The following MTOR variants were observed in gnomAD, a reference collection of about 807,000 sequenced individuals.
MTOR encodes the protein serine/threonine-protein kinase mTOR.
In MTOR, 70 loss-of-function variants were observed where a neutral mutation model predicts 319.8. The ratio of observed to expected loss-of-function variants is 0.22; its 90% CI spans 0.18 to 0.27. MTOR has a LOEUF of 0.27. Ranked by LOEUF, MTOR falls within the 10% of genes least tolerant of loss-of-function variation. MTOR has a pLI of 1.00. For missense variants in MTOR, 1,890 were observed against 3,274.4 expected, an observed-to-expected ratio of 0.58 and a Z score of 10.32; for synonymous variants, 1,183 against 1,211.4, an observed-to-expected ratio of 0.98 and a Z score of 0.49.
At chr1:11,114,118 G>A (rs1183213768) in intron 53 of MTOR, among the ~76,000 whole-genome samples, 200 bp downstream of exon 53, 1 of 152,154 alleles carries the variant, frequency 6.6e-6, no homozygotes, top group Non-Finnish European at 1.5e-5. Context: ...CCCAGTCTCA[G>A]GCAGTTCTTT....
intron 28 of MTOR, chr1:11,192,373 G>A: frequency 2.5e-6 from 4 of 1,606,770 alleles, no homozygotes; most frequent in Non-Finnish European, 3.4e-6. Flanking sequence ...AACTGGAGGT[G>A]AGGTCATTAC....
intron 19 of MTOR, 119 bp from the exon 20 acceptor site, chr1:11,216,353 T>C (rs1432676976): frequency 1.2e-5 from 8 of 658,810 alleles, no homozygotes; most frequent in African/African-American, 3.6e-5. Context: ...CACTACACTA[T>C]CTACTGAGAA....
intron 14 of MTOR, among the ~76,000 whole-genome samples, chr1:11,233,798 GT>G (rs1647102312): frequency 6.6e-6 from 1 of 152,202 alleles, no homozygotes. Flanking sequence ...ACTCTAATGT[GT>G]TGAGATTTGA....
At chr1:11,248,272 T>C (rs1054510663) in intron 6 of MTOR, among the ~76,000 whole-genome samples, 178 bp from the exon 7 acceptor site, 5 of 152,184 alleles carry the variant, frequency 3.3e-5, no homozygotes, top group Non-Finnish European at 5.9e-5. Context: ...GCAAGGGACC[T>C]GATTTTGTTC....
At chr1:11,219,717 A>G (rs1477349716) in intron 19 of MTOR, among the ~76,000 whole-genome samples, 1 of 152,154 alleles carries the variant, frequency 6.6e-6, no homozygotes, top group Non-Finnish European at 1.5e-5. Context: ...GTCTGTTTAA[A>G]ATGCCTTAAA....
At chr1:11,135,550 T>C (rs565633090) in intron 36 of MTOR, among the ~76,000 whole-genome samples, 20 of 152,318 alleles carry the variant, frequency 1.3e-4, no homozygotes, top group Middle Eastern at 6.8e-3. Flanking sequence ...TAAAAACATG[T>C]TAGCCAGGTG....
rs2100978723 is a variant in MTOR, at chr1:11,257,099, T to C, written c.338A>G (p.Asn113Ser). ...RIGRFANYLR[N>S]LLPSNDPVVM... ...AACTGGGTCATTGGAGGGGAGGAGG[T>C]TCCGAAGATAGTTGGCAAATCTGCC... Residue 113 changes from asparagine to serine, a missense_variant, in exon 4 of 58, where the codon AAC becomes AGC. Asn to Ser is a conservative substitution (Grantham distance 46). Around this residue, in one of 15 missense-constraint regions of MTOR, gnomAD observed 81 missense variants for 203.6 expected, o/e 0.40. Coordinates refer to ENST00000361445, the MANE Select transcript of MTOR (RefSeq NM_004958.4). The C allele has an allele frequency of 6.2e-7, 1 of 1,613,920 alleles. No individual in the cohort carries two copies. The highest frequency in any genetic ancestry group is 8.5e-7 in the Non-Finnish European group (1 of 1,179,974).
At position 11,193,839 on chromosome 1, in the gene MTOR, C is replaced by T. The variant is rs138148169; in HGVS notation, c.4253+5419G>A. On this transcript the variant is annotated intron_variant, in intron 28 of 57. Transcript: ENST00000361445. Reference sequence around the variant, plus strand: ...CACCACACATGACCGCGTACAACTCCGGGGGTGCCATTCCTATTCTGATTC... The same window carrying T: ...CACCACACATGACCGCGTACAACTCTGGGGGTGCCATTCCTATTCTGATTC... 6.6e-5 allele frequency: 98 copies of T among 1,494,552 alleles called. 1 individual carries two copies. Among genetic ancestry groups the T allele is most frequent in the South Asian group, 4.1e-4 (35 of 84,814 alleles). 92.6% of individuals were successfully genotyped at this position (1,494,552 alleles called of 1,614,324 possible). A position where few individuals can be genotyped will look rare whatever the true frequency, so the allele number is the denominator to read the frequency against.
intron 56 of MTOR, 33 bp from the exon 57 acceptor site, chr1:11,108,319 C>T (rs907341085): frequency 6.5e-7 from 1 of 1,540,312 alleles, no homozygotes; most frequent in Non-Finnish European, 9.0e-7. Context: ...ATTTCACTCT[C>T]TTCCTGGCAA....
chr1:11,175,746 G>GTTTTTTT (rs34392850), intron 28 of MTOR, among the ~76,000 whole-genome samples: 5,144 of 136,922 alleles, frequency 0.038, 180 homozygotes, highest in South Asian at 0.11. Context: ...TCCCTAGCAG[G>GTTTTTTT]TTTTTTTTTT....
chr1:11,234,254 C>T lies in MTOR; in HGVS notation c.2220G>A (p.Glu740=), dbSNP rs980978963. 6.2e-7 allele frequency: 1 copy of T among 1,612,838 alleles called. No individual in the cohort carries two copies. Residue 740 remains glutamate, a synonymous_variant, in exon 14 of 58, where the codon GAG becomes GAA. Coordinates refer to ENST00000361445, the MANE Select transcript of MTOR (RefSeq NM_004958.4). ...TTCTTCCAATCCCACTGTGCTCCAACTCTGTCAAAATCTGTAGGGAAGAAA... is the reference window on the plus strand; with the variant it reads ...TTCTTCCAATCCCACTGTGCTCCAATTCTGTCAAAATCTGTAGGGAAGAAA... The part of the protein sequence containing the change: ...LRKMLIQILT[E]LEHSGIGRIK...
Position 11,212,747 on chromosome 1 carries a change from C to CAA in MTOR, c.3398+47_3398+48dup, listed in dbSNP as rs1646351853. The CAA allele has an allele frequency of 1.4e-6, 2 of 1,477,164 alleles. No individual in the cohort carries two copies. Among genetic ancestry groups the CAA allele is most frequent in the East Asian group, 4.6e-5 (2 of 43,932 alleles). The allele number at this position is 1,477,164 out of a possible 1,614,324, so 91.5% of individuals were successfully genotyped here. On this transcript the variant is annotated intron_variant, in intron 22 of 57. Transcript: ENST00000361445. This position sits in a 1 kb window ranked among gnomAD's most constrained non-coding sequence, Gnocchi z 4.1. ...GAACTTAAGAAATGAACATTTTCAACAAAACATTAAAGCTTAAAGATTGCT... is the reference window on the plus strand; with the variant it reads ...GAACTTAAGAAATGAACATTTTCAACAAAAAACATTAAAGCTTAAAGATTGCT...
chr1:11,186,858 G>T (rs1645336790), intron 28 of MTOR, among the ~76,000 whole-genome samples: 1 of 152,128 alleles, frequency 6.6e-6, no homozygotes. Flanking sequence ...AACTGGAGGG[G>T]GGGTGAGTAT....
chr1:11,235,811 A>G (rs1212929), intron 13 of MTOR, among the ~76,000 whole-genome samples: 123,427 of 151,768 alleles, frequency 0.81, 50,932 homozygotes, highest in African/African-American at 0.95. Context: ...GAGAAACTCC[A>G]TCTCTACTAA....
intron 5 of MTOR, among the ~76,000 whole-genome samples, chr1:11,255,436 T>C (rs1368059324): frequency 1.3e-5 from 2 of 150,470 alleles, no homozygotes; most frequent in South Asian, 2.1e-4. Context: ...CACAGTTTAA[T>C]TGGCATATTT....
At chr1:11,169,847 G>T (rs1571056313) in intron 28 of MTOR, among the ~76,000 whole-genome samples, 1 of 152,178 alleles carries the variant, frequency 6.6e-6, no homozygotes, top group African/African-American at 2.4e-5. Context: ...TGCTAAGCAG[G>T]TCCTTCACCT....
At position 11,174,818 on chromosome 1, in the gene MTOR, A is replaced by G. The variant is rs537930044; in HGVS notation, c.4254-7301T>C. ...CTTGGGTGCCCCTCAGTCTTTCCCT[A>G]TTAATGCTGCAGGCTTATAAAGGGC... On this transcript the variant is annotated intron_variant, in intron 28 of 57. Coordinates refer to ENST00000361445, the MANE Select transcript of MTOR (RefSeq NM_004958.4). 2.0e-5 allele frequency among the ~76,000 whole-genome samples: 3 copies of G among 152,300 alleles called. No individual in the cohort carries two copies. In the East Asian group the frequency reaches 5.8e-4, roughly 29 times the overall value.
intron 18 of MTOR, among the ~76,000 whole-genome samples, chr1:11,230,702 C>T (rs1240101095): frequency 6.6e-6 from 1 of 152,150 alleles, no homozygotes; most frequent in African/African-American, 2.4e-5. Context: ...GCATGCCAAC[C>T]CTTGACAAAG....
intron 20 of MTOR, 42 bp from the exon 21 acceptor site, chr1:11,213,608 T>C: frequency 1.3e-6 from 2 of 1,592,720 alleles, no homozygotes; most frequent in Non-Finnish European, 1.7e-6. Flanking sequence ...TCAGGTCCCT[T>C]TCTGATGATA....
Sources: gnomAD v4.1 joint callset for allele counts (sites outside exome capture counted in the v4.1 genomes callset) on GRCh38, gnomAD v4.1.1 for gene constraint, gnomAD v4.1.1 regional missense constraint, Gnocchi (gnomAD v3.1) non-coding constraint, MANE v1.5 for transcripts, NCBI Gene and HGNC (gene_info 2026-07-23, HGNC 2026-07-21) for gene names.